RORB: variants seen among roughly 807,000 people sequenced by gnomAD.
RORB encodes nuclear receptor ROR-beta.
A neutral mutation model predicts 59.1 loss-of-function variants in RORB; 6 were observed. That is an observed-to-expected ratio of 0.10 (90% CI 0.06 to 0.20). RORB has a LOEUF of 0.20. RORB is among the 10% of genes least tolerant of loss of function. RORB has a pLI of 1.00. For synonymous variants in RORB, 215 were observed against 204.5 expected (o/e 1.05, Z -0.44); for missense variants, 320 against 560.5 (o/e 0.57, Z 4.33).
chr9:74,603,057 T>G (rs1244567654), intron 1 of RORB, among the ~76,000 whole-genome samples: 1 of 152,150 alleles, frequency 6.6e-6, no homozygotes, highest in Non-Finnish European at 1.5e-5. Flanking sequence ...GTCTTGGAAT[T>G]GTAGGGAATA....
intron 1 of RORB, among the ~76,000 whole-genome samples, chr9:74,607,568 T>G (rs570696626): frequency 6.6e-6 from 1 of 150,996 alleles, no homozygotes; most frequent in Non-Finnish European, 1.5e-5. Context: ...ACATTTCATA[T>G]AGACACATGT....
intron 9 of RORB, among the ~76,000 whole-genome samples, 160 bp downstream of exon 9, chr9:74,672,061 G>A (rs1401243769): frequency 6.6e-6 from 1 of 152,112 alleles, no homozygotes; most frequent in East Asian, 1.9e-4. Flanking sequence ...AGAGGCTAGT[G>A]AATTGTAATA....
At chr9:74,639,403 T>C (rs1587399728) in intron 3 of RORB, among the ~76,000 whole-genome samples, 1 of 151,694 alleles carries the variant, frequency 6.6e-6, no homozygotes, top group Non-Finnish European at 1.5e-5. Flanking sequence ...TGGAAAGAAA[T>C]AGACAAGAGG....
At chr9:74,682,439 AAAAAAG>A (rs1207648550) in intron 9 of RORB, among the ~76,000 whole-genome samples, 1 of 152,166 alleles carries the variant, frequency 6.6e-6, no homozygotes, top group Non-Finnish European at 1.5e-5. Context: ...ATAATAAAAA[AAAAAAG>A]AAAAAGAAAA....
intron 1 of RORB, among the ~76,000 whole-genome samples, chr9:74,547,601 G>A (rs1261169580): frequency 2.6e-5 from 4 of 152,108 alleles, no homozygotes; most frequent in African/African-American, 9.7e-5. Context: ...AGGGAGTAAG[G>A]GATGTGGATA....
chr9:74,585,784 A>ATATTTATT (rs60816499), intron 1 of RORB, among the ~76,000 whole-genome samples: 2,637 of 145,086 alleles, frequency 0.018, 74 homozygotes, highest in African/African-American at 0.051. Flanking sequence ...TTCACAGGGG[A>ATATTTATT]TATTTATTTA....
chr9:74,596,239 G>A (rs947396706), intron 1 of RORB, among the ~76,000 whole-genome samples: 3 of 152,026 alleles, frequency 2.0e-5, no homozygotes, highest in East Asian at 3.9e-4. Flanking sequence ...AACAGCAGAG[G>A]GAAGAAGAGT....
chr9:74,537,210 G>C (rs558018131), intron 1 of RORB, among the ~76,000 whole-genome samples: 1 of 151,902 alleles, frequency 6.6e-6, no homozygotes, highest in Non-Finnish European at 1.5e-5. Context: ...CCTCTTCCCC[G>C]TGGTTCCTGG....
chr9:74,513,675 G>A (rs1273391021), intron 1 of RORB, among the ~76,000 whole-genome samples: 1 of 151,930 alleles, frequency 6.6e-6, no homozygotes, highest in African/African-American at 2.4e-5. Context: ...ATCATGTGCA[G>A]GAAGTGAAAG....
At chr9:74,538,352 T>C (rs1053863984) in intron 1 of RORB, among the ~76,000 whole-genome samples, 1 of 152,036 alleles carries the variant, frequency 6.6e-6, no homozygotes, top group East Asian at 1.9e-4. Context: ...TTTAAAATAG[T>C]AAAAGAAATG....
intron 1 of RORB, among the ~76,000 whole-genome samples, chr9:74,619,924 G>A (rs1823382947): frequency 6.6e-6 from 1 of 152,170 alleles, no homozygotes; most frequent in South Asian, 2.1e-4. Context: ...TTTTTGATGT[G>A]CTGCTGGATT....
At chr9:74,612,038 T>C (rs1413198082) in intron 1 of RORB, among the ~76,000 whole-genome samples, 2 of 152,004 alleles carry the variant, frequency 1.3e-5, no homozygotes, top group African/African-American at 4.8e-5. Flanking sequence ...ATAGTCAAGG[T>C]GAAAGAGAAG....
At chr9:74,665,242 T>C (rs887026477) in intron 6 of RORB, among the ~76,000 whole-genome samples, 6 of 152,152 alleles carry the variant, frequency 3.9e-5, no homozygotes, top group African/African-American at 1.2e-4. Context: ...GGTGCAAATA[T>C]ATTAGGTTTT....
At chr9:74,506,333 C>A (rs1025536091) in intron 1 of RORB, among the ~76,000 whole-genome samples, 1 of 151,984 alleles carries the variant, frequency 6.6e-6, no homozygotes, top group Non-Finnish European at 1.5e-5. Context: ...TTGAGCTATT[C>A]TCTTTCTTCG....
chr9:74,679,341 C>A (rs1824503303), intron 9 of RORB, among the ~76,000 whole-genome samples: 1 of 152,152 alleles, frequency 6.6e-6, no homozygotes, highest in Non-Finnish European at 1.5e-5. Context: ...GTATGTACTT[C>A]ACTGAATTAT....
At chr9:74,612,176 C>G (rs1055874120) in intron 1 of RORB, among the ~76,000 whole-genome samples, 1 of 152,002 alleles carries the variant, frequency 6.6e-6, no homozygotes, top group African/African-American at 2.4e-5. Context: ...GGGAGTTGAG[C>G]TGGGTCTTCA....
intron 1 of RORB, among the ~76,000 whole-genome samples, chr9:74,621,585 A>C (rs984586349): frequency 6.6e-6 from 1 of 152,194 alleles, no homozygotes; most frequent in Non-Finnish European, 1.5e-5. Flanking sequence ...GTAAGTTTTC[A>C]GTTCAATGGT....
chr9:74,514,818 A>G (rs1825985790), intron 1 of RORB, among the ~76,000 whole-genome samples: 1 of 151,662 alleles, frequency 6.6e-6, no homozygotes, highest in Non-Finnish European at 1.5e-5. Flanking sequence ...GAATGAAGCT[A>G]TAGTATTGAA....
chr9:74,631,951 G>A lies in RORB; in HGVS notation c.93+1584G>A, dbSNP rs544092665. On this transcript the variant is annotated intron_variant, in intron 2 of 9. Coordinates refer to ENST00000376896, the MANE Select transcript of RORB (RefSeq NM_006914.4). ...ATAAACAGTAATAGTTTAGGAGTCA[G>A]AATCCTCTCCATTGAAAGTATTTCT... 2.0e-5 allele frequency among the ~76,000 whole-genome samples: 3 copies of A among 152,316 alleles called. No homozygotes were observed. In the South Asian group the frequency reaches 6.2e-4, roughly 32 times the overall value.
Sources: gnomAD v4.1 joint callset for allele counts (sites outside exome capture counted in the v4.1 genomes callset) on GRCh38, gnomAD v4.1.1 for gene constraint, MANE v1.5 for transcripts, NCBI Gene and HGNC (gene_info 2026-07-23, HGNC 2026-07-21) for gene names.